PDE3A: variants seen among roughly 807,000 people sequenced by gnomAD.
PDE3A encodes the protein phosphodiesterase 3A, also known as cGMP-inhibited 3',5'-cyclic phosphodiesterase 3A.
PDE3A carries 43 observed loss-of-function variants against 98.3 expected under a neutral mutation model. That is an observed-to-expected ratio of 0.44 (90% CI 0.34 to 0.56). The LOEUF is 0.56. Among genes scored for constraint, PDE3A ranks in the 20% least tolerant of loss-of-function variants. The probability of loss-of-function intolerance (pLI) is 0.01; values close to 1 mark genes in which losing one functional copy is unlikely to be tolerated. For missense variants in PDE3A, 1,427 were observed against 1,440.7 expected (o/e 0.99, Z 0.15); for synonymous variants, 663 against 567.9 (o/e 1.17, Z -2.38).
intron 2 of PDE3A, among the ~76,000 whole-genome samples, chr12:20,563,494 C>A (rs1375211421): frequency 2.6e-5 from 4 of 152,148 alleles, no homozygotes; most frequent in African/African-American, 9.6e-5. Context: ...TGCCCTAGAG[C>A]TAGCTGCCAG....
intron 1 of PDE3A, among the ~76,000 whole-genome samples, chr12:20,408,662 A>G (rs2120696923): frequency 6.6e-6 from 1 of 152,288 alleles, no homozygotes; most frequent in South Asian, 2.1e-4. Context: ...TTCTTCCCAA[A>G]TATTCCATGT....
At chr12:20,649,118 AG>A (rs1360492884) in intron 13 of PDE3A, among the ~76,000 whole-genome samples, 1 of 151,016 alleles carries the variant, frequency 6.6e-6, no homozygotes, top group African/African-American at 2.4e-5. Flanking sequence ...TTTTTAGTAG[AG>A]ATGGGGTTTC....
At chr12:20,578,937 G>A (rs1356530792) in intron 2 of PDE3A, among the ~76,000 whole-genome samples, 5 of 151,998 alleles carry the variant, frequency 3.3e-5, no homozygotes, top group Non-Finnish European at 1.5e-5. Flanking sequence ...CAAAACCATA[G>A]CTCCTTTTAA....
intron 1 of PDE3A, among the ~76,000 whole-genome samples, chr12:20,516,395 A>G (rs1372517679): frequency 6.6e-6 from 1 of 152,200 alleles, no homozygotes; most frequent in African/African-American, 2.4e-5. Context: ...CTTGATTTGT[A>G]TCTTTCAAAA....
intron 1 of PDE3A, among the ~76,000 whole-genome samples, chr12:20,383,246 A>T (rs75083428): frequency 0.035 from 5,309 of 150,660 alleles, 106 homozygotes; most frequent in Middle Eastern, 0.055. Flanking sequence ...AGCTGCCATT[A>T]TAACCTATAT....
chr12:20,671,352 G>A (rs918704781), intron 15 of PDE3A, among the ~76,000 whole-genome samples: 9 of 152,112 alleles, frequency 5.9e-5, no homozygotes, highest in Middle Eastern at 3.4e-3. Flanking sequence ...CATTTTATGA[G>A]GCTAGCATCA....
chr12:20,385,513 A>C (rs1337804405), intron 1 of PDE3A, among the ~76,000 whole-genome samples: 2 of 152,010 alleles, frequency 1.3e-5, no homozygotes, highest in Admixed American at 6.6e-5. Context: ...GGCACTATTC[A>C]CAATAGCAAA....
intron 2 of PDE3A, among the ~76,000 whole-genome samples, chr12:20,591,664 G>A (rs1198125637): frequency 1.3e-5 from 2 of 152,180 alleles, no homozygotes; most frequent in East Asian, 3.9e-4. Context: ...TCTAGGGGCT[G>A]GTAGAGAGGT....
At chr12:20,608,493 C>T (rs1169535798) in intron 2 of PDE3A, among the ~76,000 whole-genome samples, 1 of 151,988 alleles carries the variant, frequency 6.6e-6, no homozygotes, top group African/African-American at 2.4e-5. Context: ...AAGACCTTTG[C>T]TTTTGCAAAA....
At chr12:20,655,253 G>A (rs928025377) in intron 15 of PDE3A, among the ~76,000 whole-genome samples, 8 of 152,060 alleles carry the variant, frequency 5.3e-5, no homozygotes, top group African/African-American at 1.9e-4. Flanking sequence ...TGTAAAGCAG[G>A]GAAAGATTTG....
At chr12:20,558,204 CAA>C (rs148362338) in intron 2 of PDE3A, among the ~76,000 whole-genome samples, 5 of 128,884 alleles carry the variant, frequency 3.9e-5, no homozygotes, top group African/African-American at 1.2e-4. Flanking sequence ...TATAAATTGA[CAA>C]AAAAAAAAAA....
At chr12:20,563,342 T>C (rs569241309) in intron 2 of PDE3A, among the ~76,000 whole-genome samples, 1 of 152,360 alleles carries the variant, frequency 6.6e-6, no homozygotes, top group African/African-American at 2.4e-5. Context: ...TATATATTTA[T>C]TGAAGTTAAT....
Position 20,650,437 on chromosome 12 carries a change from T to C in PDE3A, c.2770-8T>C. 6.3e-7 allele frequency: 1 copy of C among 1,584,658 alleles called. No individual in the cohort carries two copies. The highest frequency in any genetic ancestry group is 8.6e-7 in the Non-Finnish European group (1 of 1,160,906). ...GCAAAACATATATTAACTTTATCTC[T>C]CAAATAGGTAAATGATGATGTTGGA... On this transcript the variant is annotated splice_polypyrimidine_tract_variant and splice_region_variant and intron_variant, in intron 13 of 15. Transcript: ENST00000359062.
At position 20,552,642 on chromosome 12, in the gene PDE3A, G is replaced by A; in HGVS notation, c.961-4018G>A. On this transcript the variant is annotated intron_variant, in intron 1 of 15. Transcript: ENST00000359062. This position sits in a 1 kb window ranked among gnomAD's most constrained non-coding sequence, Gnocchi z 5.1. ...GCCGGACATCCAAGAAAACCAAGGT[G>A]GAGCCCTACAGTCTCACGGCCCAGC... The A allele has an allele frequency of 6.2e-7, 1 of 1,613,888 alleles. No individual in the cohort carries two copies. The highest frequency in any genetic ancestry group is 8.5e-7 in the Non-Finnish European group (1 of 1,179,848).
intron 1 of PDE3A, among the ~76,000 whole-genome samples, chr12:20,475,780 T>TTG (rs1945522731): frequency 1.3e-5 from 2 of 152,062 alleles, no homozygotes; most frequent in South Asian, 4.1e-4. Context: ...GCTTTCAGTT[T>TTG]TGTTTTGTGC....
At chr12:20,670,160 T>A (rs1364955228) in intron 15 of PDE3A, among the ~76,000 whole-genome samples, 1 of 150,884 alleles carries the variant, frequency 6.6e-6, no homozygotes, top group African/African-American at 2.5e-5. Flanking sequence ...ATCCTAAATA[T>A]ATATGCACCC....
At chr12:20,481,683 C>T (rs1037744378) in intron 1 of PDE3A, among the ~76,000 whole-genome samples, 1 of 150,654 alleles carries the variant, frequency 6.6e-6, no homozygotes, top group Non-Finnish European at 1.5e-5. Context: ...TAGAGCATCT[C>T]TTCACAAATC....
At chr12:20,669,408 A>G (rs1382474185) in intron 15 of PDE3A, among the ~76,000 whole-genome samples, 3 of 151,712 alleles carry the variant, frequency 2.0e-5, no homozygotes, top group South Asian at 2.1e-4. Context: ...CAGATTCACC[A>G]AAGTTGAAAT....
chr12:20,614,398 TG>T (rs1331303094), intron 3 of PDE3A, among the ~76,000 whole-genome samples: 2 of 152,144 alleles, frequency 1.3e-5, no homozygotes, highest in African/African-American at 4.8e-5. Flanking sequence ...CAGTGGTCTC[TG>T]GTATATTCAG....
Sources: gnomAD v4.1 joint callset for allele counts (sites outside exome capture counted in the v4.1 genomes callset) on GRCh38, gnomAD v4.1.1 for gene constraint, Gnocchi (gnomAD v3.1) non-coding constraint, MANE v1.5 for transcripts, NCBI Gene and HGNC (gene_info 2026-07-23, HGNC 2026-07-21) for gene names.